The following PHACTR1 variants were observed in gnomAD, a reference collection of about 807,000 sequenced individuals.
PHACTR1 encodes the protein RPEL repeat containing 1.
Under a neutral mutation model 69.2 loss-of-function variants are expected in PHACTR1, and 16 were observed. That is an observed-to-expected ratio of 0.23 (90% confidence interval 0.16 to 0.35). The LOEUF (loss-of-function observed/expected upper bound fraction) is 0.35. Among genes scored for constraint, PHACTR1 ranks in the 10% least tolerant of loss-of-function variants. The probability of loss-of-function intolerance (pLI) is 1.00; values close to 1 mark genes in which losing one functional copy is unlikely to be tolerated. For missense variants in PHACTR1, 510 were observed against 734.7 expected (o/e 0.69, Z 3.54); for synonymous variants, 312 against 284.5 (o/e 1.10, Z -0.97).
chr6:13,266,260 G>A (rs1202996201), intron 10 of PHACTR1, among the ~76,000 whole-genome samples: 4 of 151,954 alleles, frequency 2.6e-5, no homozygotes, highest in Non-Finnish European at 4.4e-5. Flanking sequence ...CCACAGCCTC[G>A]CCCAAGCCTC....
chr6:13,167,026 G>T (rs1223547), intron 6 of PHACTR1, among the ~76,000 whole-genome samples: 26,602 of 152,156 alleles, frequency 0.17, 2,926 homozygotes, highest in South Asian at 0.45. Flanking sequence ...AAGTCACCTG[G>T]CTAGCTACTG....
chr6:13,042,689 G>A lies in PHACTR1; in HGVS notation c.251-10676G>A, dbSNP rs796452551. Among the ~76,000 whole-genome samples, 27 of 152,322 alleles carry A rather than the reference G, an allele frequency of 1.8e-4. 1 individual carries two copies. The highest frequency in any genetic ancestry group is 1.2e-3 in the South Asian group (6 of 4,824). On this transcript the variant is annotated intron_variant, in intron 4 of 14. Coordinates refer to ENST00000332995, the MANE Select transcript of PHACTR1 (RefSeq NM_030948.6). ...TAAGGGATATTCTAGTGGTGACATG[G>A]TAACGAATTTCACCCCTAGTGGAAC...
intron 5 of PHACTR1, among the ~76,000 whole-genome samples, chr6:13,159,129 C>A (rs117195639): frequency 6.6e-6 from 1 of 152,310 alleles, no homozygotes; most frequent in East Asian, 1.9e-4. Context: ...CCCCAGCACA[C>A]CCACTGTTAC....
rs546982555 is a variant in PHACTR1 at position 12,850,317 on chromosome 6, C to T, written c.250+100527C>T. Among the ~76,000 whole-genome samples the T allele has an allele frequency of 1.4e-4, 21 of 152,368 alleles. No individual in the cohort carries two copies. In the South Asian group the frequency reaches 3.7e-3, roughly 27 times the overall value. On this transcript the variant is annotated intron_variant, in intron 4 of 14. Transcript: ENST00000332995. ...TACATTCACCACAGATACTGCTGAT[C>T]GATGCCTGCACTCTTGCCCATCAGG...
intron 4 of PHACTR1, among the ~76,000 whole-genome samples, chr6:12,997,283 CTATA>C (rs898973806): frequency 6.8e-6 from 1 of 146,042 alleles, no homozygotes; most frequent in African/African-American, 2.5e-5. Context: ...TAGTAAATCT[CTATA>C]TAAGTGAATG....
chr6:12,752,707 A>G (rs1205308793), intron 4 of PHACTR1, among the ~76,000 whole-genome samples: 1 of 152,130 alleles, frequency 6.6e-6, no homozygotes, highest in East Asian at 1.9e-4. Context: ...GGATTTTTCA[A>G]CTACACCCTA....
At chr6:13,111,922 A>G (rs908576971) in intron 5 of PHACTR1, among the ~76,000 whole-genome samples, 3 of 152,000 alleles carry the variant, frequency 2.0e-5, no homozygotes, top group African/African-American at 7.3e-5. Context: ...CAGATTTGTT[A>G]TATAGGTAAA....
intron 7 of PHACTR1, among the ~76,000 whole-genome samples, chr6:13,190,196 G>GTTTTTT (rs1220683843): frequency 6.6e-4 from 21 of 31,854 alleles, no homozygotes; most frequent in East Asian, 2.1e-3. Context: ...GCTAATTTTT[G>GTTTTTT]TATTTTTTTT....
rs142011332 is a variant in PHACTR1 at position 12,892,530 on chromosome 6, C to T, written c.250+142740C>T. Among the ~76,000 whole-genome samples, 387 of 152,182 alleles carry T rather than the reference C, an allele frequency of 2.5e-3. 1 individual carries two copies. The highest frequency in any genetic ancestry group is 8.8e-3 in the African/African-American group (366 of 41,514). ...ACTGCAAAATCTTCAAGCGAAGGAC[C>T]GAGTTTGGTTGTTGACATAATAATA... On this transcript the variant is annotated intron_variant, in intron 4 of 14. Transcript: ENST00000332995.
rs1459129086 is a variant in PHACTR1 at position 13,179,353 on chromosome 6, G to T, written c.497-3166G>T. On this transcript the variant is annotated intron_variant, in intron 6 of 14. Transcript: ENST00000332995. This position sits in a 1 kb window ranked among gnomAD's most constrained non-coding sequence, Gnocchi z 4.2. ...AATTACCAAGCATTAGGAATTCCCAGATAATTCCTTAGCTTAATGATGGGT... is the reference window on the plus strand; with the variant it reads ...AATTACCAAGCATTAGGAATTCCCATATAATTCCTTAGCTTAATGATGGGT... 6.6e-6 allele frequency among the ~76,000 whole-genome samples: 1 copy of T among 151,150 alleles called. No homozygotes were observed. Among genetic ancestry groups the T allele is most frequent in the African/African-American group, 2.4e-5 (1 of 41,008 alleles).
rs1042797333 is a variant in PHACTR1, at chr6:13,195,658, T to C, written c.665-10157T>C. ...CTGTAATCCCAGCTACTCAGGAGGC[T>C]GAAGCATGAAAATTGCTTGAACCCA... is the stretch of plus-strand genomic sequence containing the variant. On this transcript the variant is annotated intron_variant, in intron 7 of 14. Coordinates refer to ENST00000332995, the MANE Select transcript of PHACTR1 (RefSeq NM_030948.6). 6.1e-5 allele frequency among the ~76,000 whole-genome samples: 9 copies of C among 148,438 alleles called. No homozygotes were observed. In the Admixed American group the frequency reaches 6.2e-4, roughly 10 times the overall value.
chr6:13,210,466 C>G (rs114506790), intron 8 of PHACTR1, among the ~76,000 whole-genome samples: 1,764 of 152,264 alleles, frequency 0.012, 33 homozygotes, highest in African/African-American at 0.038. Context: ...TTCAAAATCA[C>G]AGGGTTGCCC....
At position 12,814,725 on chromosome 6, in the gene PHACTR1, C is replaced by T. The variant is rs551071189; in HGVS notation, c.250+64935C>T. Reference sequence around the variant, plus strand: ...AAAAAAAAACAAAAAAAGCTATACTCGATACAGTTAGTCTAACACTTGAAG... The same window carrying T: ...AAAAAAAAACAAAAAAAGCTATACTTGATACAGTTAGTCTAACACTTGAAG... On this transcript the variant is annotated intron_variant, in intron 4 of 14. Transcript: ENST00000332995. Among the ~76,000 whole-genome samples, 7 of 152,254 alleles carry T rather than the reference C, an allele frequency of 4.6e-5. No homozygotes were observed. The East Asian group carries it at 1.2e-3, about 25-fold the overall frequency.
intron 4 of PHACTR1, among the ~76,000 whole-genome samples, chr6:12,861,178 G>A (rs1470341823): frequency 6.6e-6 from 1 of 152,216 alleles, no homozygotes; most frequent in African/African-American, 2.4e-5. Flanking sequence ...TGTTTATTCA[G>A]GGACTTCTCT....
chr6:12,774,288 G>A (rs754123902), intron 4 of PHACTR1, among the ~76,000 whole-genome samples: 16 of 152,010 alleles, frequency 1.1e-4, no homozygotes, highest in Non-Finnish European at 1.8e-4. Context: ...TCAACAGCAC[G>A]GTAAACTCCT....
intron 5 of PHACTR1, among the ~76,000 whole-genome samples, chr6:13,099,405 G>A (rs1814785605): frequency 6.6e-6 from 1 of 152,216 alleles, no homozygotes; most frequent in Non-Finnish European, 1.5e-5. Flanking sequence ...AAGTGAATCA[G>A]TGAGTGAGTG....
chr6:13,252,212 C>CAA (rs537782699), intron 10 of PHACTR1, among the ~76,000 whole-genome samples: 353 of 73,730 alleles, frequency 4.8e-3, no homozygotes, highest in African/African-American at 0.017. Context: ...CCTGCCTTTA[C>CAA]AAAAAAAAAA....
At chr6:12,918,562 C>A (rs959799016) in intron 4 of PHACTR1, among the ~76,000 whole-genome samples, 2 of 152,172 alleles carry the variant, frequency 1.3e-5, no homozygotes, top group Non-Finnish European at 2.9e-5. Flanking sequence ...ATCATTGTTT[C>A]ATTAGCATGT....
chr6:13,222,528 C>CACA (rs1768838096), intron 8 of PHACTR1, among the ~76,000 whole-genome samples: 2 of 152,336 alleles, frequency 1.3e-5, no homozygotes, highest in Admixed American at 1.3e-4. Context: ...ATGAGAGGAT[C>CACA]TGGACAGTTC....
Sources: allele counts gnomAD v4.1 joint callset (sites outside exome capture counted in the v4.1 genomes callset), GRCh38; gene constraint gnomAD v4.1.1; non-coding constraint Gnocchi (gnomAD v3.1); transcripts MANE v1.5; gene names NCBI Gene and HGNC (gene_info 2026-07-23, HGNC 2026-07-21).